The following TBC1D32 variants were observed in gnomAD, a reference collection of about 807,000 sequenced individuals.
The protein encoded by TBC1D32 is protein broad-minded.
In TBC1D32, 151 loss-of-function variants were observed where a neutral mutation model predicts 170.3. The ratio of observed to expected loss-of-function variants is 0.89; its 90% CI spans 0.78 to 1.01. The LOEUF (loss-of-function observed/expected upper bound fraction) is 1.01. Among genes scored for constraint, TBC1D32 ranks in the 50% least tolerant of loss-of-function variants. TBC1D32 has a pLI of 0.00. For synonymous variants in TBC1D32, 498 were observed against 488.0 expected (o/e 1.02, Z -0.27); for missense variants, 1,464 against 1,457.1 (o/e 1.00, Z -0.08).
At chr6:121,304,252 C>G (rs1455263440) in intron 8 of TBC1D32, 113 bp downstream of exon 8, 1 of 860,672 alleles carries the variant, frequency 1.2e-6, no homozygotes, top group African/African-American at 1.7e-5. Flanking sequence ...TTTATTAATC[C>G]CTTCCCAATC....
At chr6:121,190,377 T>C (rs1419044300) in intron 22 of TBC1D32, among the ~76,000 whole-genome samples, 1 of 129,612 alleles carries the variant, frequency 7.7e-6, no homozygotes, top group Admixed American at 8.2e-5. Flanking sequence ...TTCCCACCTC[T>C]CCTCTGCACA....
At chr6:121,170,351 C>A in intron 22 of TBC1D32, 1 of 1,484,250 alleles carries the variant, frequency 6.7e-7, no homozygotes, top group South Asian at 1.4e-5. Context: ...ACTGTCTTAA[C>A]AAAACATCTC....
At chr6:121,308,202 T>C in intron 4 of TBC1D32, 101 bp from the exon 5 acceptor site, 3 of 1,161,262 alleles carry the variant, frequency 2.6e-6, no homozygotes, top group Non-Finnish European at 3.7e-6. Context: ...AAAGTCTGGA[T>C]AATTTATAAA....
chr6:121,193,538 C>T (rs1214767727), intron 22 of TBC1D32, among the ~76,000 whole-genome samples: 4 of 152,278 alleles, frequency 2.6e-5, no homozygotes, highest in Non-Finnish European at 2.9e-5. Context: ...CATTCAACTA[C>T]AAAATTTAAA....
chr6:121,219,808 C>T (rs1794284936), intron 21 of TBC1D32, among the ~76,000 whole-genome samples: 1 of 152,216 alleles, frequency 6.6e-6, no homozygotes. Context: ...TTTCTAACAG[C>T]ATGTGTTCAC....
chr6:121,330,567 T>A (rs1473749188), intron 1 of TBC1D32, among the ~76,000 whole-genome samples: 2 of 152,104 alleles, frequency 1.3e-5, no homozygotes, highest in African/African-American at 4.8e-5. Flanking sequence ...AACAAAACAC[T>A]CTATTTCTCA....
At chr6:121,331,101 T>C (rs548876963) in intron 1 of TBC1D32, among the ~76,000 whole-genome samples, 125 of 152,334 alleles carry the variant, frequency 8.2e-4, no homozygotes, top group African/African-American at 3.0e-3. Context: ...CTCACTTTAT[T>C]ATACCACCTG....
intron 17 of TBC1D32, among the ~76,000 whole-genome samples, chr6:121,246,467 C>T (rs1797618006): frequency 1.3e-5 from 2 of 151,844 alleles, no homozygotes. Flanking sequence ...GGTAATTTGA[C>T]ATAAAAGGGT....
chr6:121,329,730 T>G (rs1317768755), intron 1 of TBC1D32, among the ~76,000 whole-genome samples: 1 of 152,012 alleles, frequency 6.6e-6, no homozygotes. Context: ...TTATCACTAA[T>G]TTTTTAAAAA....
At chr6:121,096,492 A>T (rs1777426402) in intron 30 of TBC1D32, among the ~76,000 whole-genome samples, 1 of 152,192 alleles carries the variant, frequency 6.6e-6, no homozygotes, top group Non-Finnish European at 1.5e-5. Context: ...TTTACAAGGG[A>T]TGTGAAGGAC....
At chr6:121,173,412 T>C (rs1204080223) in intron 22 of TBC1D32, among the ~76,000 whole-genome samples, 1 of 152,138 alleles carries the variant, frequency 6.6e-6, no homozygotes, top group Non-Finnish European at 1.5e-5. Flanking sequence ...TTGTATCCTA[T>C]TGGTTCTGTC....
At chr6:121,086,636 C>T (rs372071599) in intron 31 of TBC1D32, among the ~76,000 whole-genome samples, 4 of 152,096 alleles carry the variant, frequency 2.6e-5, no homozygotes, top group African/African-American at 9.7e-5. Flanking sequence ...TTAGTTGATG[C>T]ATTTTAATTA....
At chr6:121,243,900 T>A (rs991643727) in intron 17 of TBC1D32, among the ~76,000 whole-genome samples, 16 of 151,990 alleles carry the variant, frequency 1.1e-4, no homozygotes, top group Non-Finnish European at 4.4e-5. Flanking sequence ...AATGGAAGTA[T>A]CACATATCAA....
chr6:121,148,703 T>A (rs546889409), intron 24 of TBC1D32, among the ~76,000 whole-genome samples: 3 of 152,268 alleles, frequency 2.0e-5, no homozygotes, highest in Admixed American at 6.5e-5. Flanking sequence ...AGCCTCTGCC[T>A]AGCAGGTTGC....
rs752532164 is a variant in TBC1D32, at chr6:121,294,562, ATACT to A, written c.1231+4_1231+7del. On this transcript the variant is annotated splice_donor_5th_base_variant and intron_variant, in intron 11 of 31. Coordinates refer to ENST00000398212, the MANE Select transcript of TBC1D32 (RefSeq NM_152730.6). Reference sequence around the variant, plus strand: ...TTAAAAGTATGTAATAGAGGAAATAATACTTACTGCAATGCTTTGAATGTCCCAA... The same window carrying A: ...TTAAAAGTATGTAATAGAGGAAATAATACTGCAATGCTTTGAATGTCCCAA... 1.4e-5 allele frequency: 22 copies of A among 1,598,416 alleles called. No individual in the cohort carries two copies. Among genetic ancestry groups the A allele is most frequent in the Non-Finnish European group, 1.9e-5 (22 of 1,170,726 alleles).
chr6:121,291,943 T>C, intron 12 of TBC1D32, 110 bp downstream of exon 12: 2 of 1,159,724 alleles, frequency 1.7e-6, no homozygotes, highest in Non-Finnish European at 2.3e-6. Context: ...CTAAAAGGTA[T>C]GTAGCTAAGT....
At chr6:121,190,621 G>A (rs551326433) in intron 22 of TBC1D32, among the ~76,000 whole-genome samples, 10 of 152,116 alleles carry the variant, frequency 6.6e-5, no homozygotes, top group African/African-American at 2.4e-4. Flanking sequence ...CATCTGTTTT[G>A]GGACATATTT....
At position 121,113,139 on chromosome 6, in the gene TBC1D32, T is replaced by C. The variant is rs764300555; in HGVS notation, c.3092A>G (p.Glu1031Gly). The C allele has an allele frequency of 3.7e-6, 6 of 1,611,478 alleles. No individual in the cohort carries two copies. The highest frequency in any genetic ancestry group is 1.7e-5 in the Admixed American group (1 of 59,548). Residue 1031 changes from glutamate to glycine, a missense_variant, in exon 28 of 32, where the codon GAA becomes GGA. By Grantham distance (98) the Glu-to-Gly change is moderately conservative (BLOSUM62 -2). Around this residue, in one of 3 missense-constraint regions of TBC1D32, gnomAD observed 1,363 missense variants for 1,338.1 expected, o/e 1.02. Transcript: ENST00000398212. ...CTTTAAAACCCAGGTAAGATCATTT[T>C]CTGCACCATCTTTTAAGAGACTGAG... Reference protein sequence around the residue: ...KFLSLLKDGAENDLTWVLKHC... With the variant: ...KFLSLLKDGAGNDLTWVLKHC...
intron 31 of TBC1D32, among the ~76,000 whole-genome samples, chr6:121,088,478 G>GA (rs1776478782): frequency 6.6e-6 from 1 of 152,048 alleles, no homozygotes. Flanking sequence ...ATGAATAAGT[G>GA]AAAAATGCTG....
Sources: gnomAD v4.1 joint callset for allele counts (sites outside exome capture counted in the v4.1 genomes callset) on GRCh38, gnomAD v4.1.1 for gene constraint, gnomAD v4.1.1 regional missense constraint, MANE v1.5 for transcripts, NCBI Gene and HGNC (gene_info 2026-07-23, HGNC 2026-07-21) for gene names.